The following ANKS1B variants were observed in gnomAD, a reference collection of about 807,000 sequenced individuals.
ANKS1B encodes ankyrin repeat and sterile alpha motif domain-containing protein 1B.
ANKS1B carries 36 observed loss-of-function variants against 148.3 expected under a neutral mutation model. The ratio of observed to expected loss-of-function variants is 0.24; its 90% CI spans 0.19 to 0.32. The LOEUF is 0.32. Ranked by LOEUF, ANKS1B falls within the 10% of genes least tolerant of loss-of-function variation. The pLI, the probability that ANKS1B is intolerant of heterozygous loss-of-function variation, is 1.00. For synonymous variants in ANKS1B, 542 were observed against 560.8 expected (o/e 0.97, Z 0.47); for missense variants, 1,157 against 1,542.6 (o/e 0.75, Z 4.19).
At chr12:99,967,634 C>A (rs1253290226) in intron 1 of ANKS1B, among the ~76,000 whole-genome samples, 1 of 151,966 alleles carries the variant, frequency 6.6e-6, no homozygotes, top group Non-Finnish European at 1.5e-5. Context: ...TAGAACCTGG[C>A]GCAGTGGCTC....
At chr12:99,758,388 A>T (rs1485698432) in intron 8 of ANKS1B, among the ~76,000 whole-genome samples, 1 of 151,816 alleles carries the variant, frequency 6.6e-6, no homozygotes, top group East Asian at 1.9e-4. Flanking sequence ...AATACATATA[A>T]ATGATTCAAC....
At chr12:99,444,623 T>G (rs2095606583) in intron 10 of ANKS1B, among the ~76,000 whole-genome samples, 1 of 151,954 alleles carries the variant, frequency 6.6e-6, no homozygotes, top group Non-Finnish European at 1.5e-5. Context: ...ATAAATAACT[T>G]CTGGTAGCAC....
chr12:99,560,846 T>C (rs1332119688), intron 9 of ANKS1B, among the ~76,000 whole-genome samples: 277 of 122,388 alleles, frequency 2.3e-3, no homozygotes, highest in Non-Finnish European at 3.1e-3. Context: ...TTTTCTTTTT[T>C]TTTTTTTTTT....
intron 2 of ANKS1B, among the ~76,000 whole-genome samples, chr12:99,820,644 C>T (rs55696645): frequency 0.14 from 21,349 of 151,910 alleles, 1,989 homozygotes; most frequent in Non-Finnish European, 0.22. Context: ...AAAGAAATAA[C>T]CTTCTTCTCT....
chr12:98,922,037 T>C (rs572701766), intron 17 of ANKS1B, among the ~76,000 whole-genome samples: 2 of 152,218 alleles, frequency 1.3e-5, no homozygotes, highest in East Asian at 3.8e-4. Context: ...AAGGAAACTA[T>C]GATTCAGTTA....
At chr12:99,519,958 C>G (rs2153055666) in intron 9 of ANKS1B, among the ~76,000 whole-genome samples, 2 of 152,304 alleles carry the variant, frequency 1.3e-5, no homozygotes, top group Middle Eastern at 6.8e-3. Context: ...AGGCTCTACA[C>G]TTTAACTTTG....
At chr12:99,333,615 C>A (rs1459470225) in intron 12 of ANKS1B, among the ~76,000 whole-genome samples, 2 of 152,008 alleles carry the variant, frequency 1.3e-5, no homozygotes, top group African/African-American at 4.8e-5. Flanking sequence ...CTCTAAGTCA[C>A]CCAAACCCAA....
intron 16 of ANKS1B, among the ~76,000 whole-genome samples, chr12:99,076,372 AG>A (rs1294075927): frequency 6.6e-6 from 1 of 152,208 alleles, no homozygotes; most frequent in Non-Finnish European, 1.5e-5. Context: ...AAATAGACTA[AG>A]TATAAGCAGC....
chr12:99,298,045 G>A (rs1311055891), intron 12 of ANKS1B, among the ~76,000 whole-genome samples: 1 of 152,012 alleles, frequency 6.6e-6, no homozygotes, highest in Non-Finnish European at 1.5e-5. Flanking sequence ...AAGACCACTG[G>A]CTCTTCTAGT....
chr12:99,761,127 AAAG>A (rs1164153390), intron 8 of ANKS1B, among the ~76,000 whole-genome samples: 5 of 151,376 alleles, frequency 3.3e-5, no homozygotes, highest in Middle Eastern at 3.4e-3. Context: ...CCAGACATAC[AAAG>A]AAGAGCTGGT....
At chr12:98,750,600 T>G (rs2098058366) in intron 26 of ANKS1B, among the ~76,000 whole-genome samples, 2 of 151,264 alleles carry the variant, frequency 1.3e-5, no homozygotes, top group African/African-American at 4.9e-5. Flanking sequence ...TCTGGGGGAG[T>G]CCCAGGGTTT....
intron 10 of ANKS1B, among the ~76,000 whole-genome samples, chr12:99,490,854 G>A (rs2096547971): frequency 6.6e-6 from 1 of 152,216 alleles, no homozygotes; most frequent in South Asian, 2.1e-4. Flanking sequence ...AGATATATCT[G>A]ACAAGTCTAG....
At chr12:99,826,384 G>A (rs1263030344) in intron 1 of ANKS1B, among the ~76,000 whole-genome samples, 1 of 152,120 alleles carries the variant, frequency 6.6e-6, no homozygotes, top group Non-Finnish European at 1.5e-5. Context: ...TTCCAAACAA[G>A]GGGTCATGGC....
intron 16 of ANKS1B, among the ~76,000 whole-genome samples, chr12:99,066,940 G>A (rs1420640106): frequency 2.0e-5 from 3 of 152,148 alleles, no homozygotes; most frequent in Non-Finnish European, 4.4e-5. Flanking sequence ...GGACAGGCTT[G>A]CAGCAGTCTG....
intron 16 of ANKS1B, among the ~76,000 whole-genome samples, chr12:99,054,321 A>T (rs962830524): frequency 5.3e-5 from 8 of 152,178 alleles, no homozygotes; most frequent in Non-Finnish European, 1.2e-4. Context: ...ATAAATATTA[A>T]TGGAAATTTA....
chr12:98,916,418 A>G (rs1215697332), intron 17 of ANKS1B, among the ~76,000 whole-genome samples: 2 of 152,238 alleles, frequency 1.3e-5, no homozygotes, highest in Admixed American at 6.5e-5. Context: ...GCGGCAGTCT[A>G]TCCAACACCC....
chr12:99,163,080 T>C (rs1226723664), intron 14 of ANKS1B, among the ~76,000 whole-genome samples: 1 of 152,000 alleles, frequency 6.6e-6, no homozygotes, highest in African/African-American at 2.4e-5. Flanking sequence ...TTCTACTAAG[T>C]AAATGAGTTT....
At chr12:99,157,082 A>G (rs543501003) in intron 14 of ANKS1B, among the ~76,000 whole-genome samples, 1 of 152,278 alleles carries the variant, frequency 6.6e-6, no homozygotes, top group East Asian at 1.9e-4. Context: ...ACTTGATTAT[A>G]TTTTGTTGCT....
intron 12 of ANKS1B, among the ~76,000 whole-genome samples, chr12:99,273,544 A>G (rs1182379865): frequency 2.7e-5 from 4 of 150,170 alleles, no homozygotes; most frequent in Non-Finnish European, 5.9e-5. Context: ...CGTTCTTAAA[A>G]CATTATCAGA....
Sources: gnomAD v4.1 joint callset for allele counts (sites outside exome capture counted in the v4.1 genomes callset) on GRCh38, gnomAD v4.1.1 for gene constraint, MANE v1.5 for transcripts, NCBI Gene and HGNC (gene_info 2026-07-23, HGNC 2026-07-21) for gene names.